METTL15: variants seen among roughly 807,000 people sequenced by gnomAD.
METTL15 encodes 12S rRNA N(4)-cytidine methyltransferase METTL15.
In METTL15, 34 loss-of-function variants were observed where a neutral mutation model predicts 38.3. That is an observed-to-expected ratio of 0.89 (90% CI 0.68 to 1.18). The LOEUF (loss-of-function observed/expected upper bound fraction) is 1.18, where lower values mean the gene tolerates loss of function less well. Among genes scored for constraint, METTL15 ranks in the 50% most tolerant of loss-of-function variants. The pLI, the probability that METTL15 is intolerant of heterozygous loss-of-function variation, is 0.00. For missense variants in METTL15, 438 were observed against 498.4 expected (o/e 0.88, Z 1.15); for synonymous variants, 162 against 170.9 (o/e 0.95, Z 0.41).
chr11:28,471,511 C>A (rs1033229722), intron 6 of METTL15, among the ~76,000 whole-genome samples: 4 of 152,094 alleles, frequency 2.6e-5, no homozygotes, highest in African/African-American at 9.7e-5. Context: ...GATTTAGACA[C>A]AGGTGGTTGA....
Position 28,366,206 on chromosome 11 carries a change from T to A in METTL15, c.*358+4170T>A, listed in dbSNP as rs527453909. Among the ~76,000 whole-genome samples, 8 of 150,934 alleles carry A rather than the reference T, an allele frequency of 5.3e-5. No individual in the cohort carries two copies. The East Asian group carries it at 1.4e-3, about 26-fold the overall frequency. On this transcript the variant is annotated intron_variant and NMD_transcript_variant, in intron 5 of 7. Coordinates refer to the METTL15 transcript ENST00000532947. ...GGGTCCTTTTGTAAAAAAAAAAAAA[T>A]TATTAAGAACAGGAGCAACTCAGTG...
intron 6 of METTL15, among the ~76,000 whole-genome samples, chr11:28,503,730 G>A (rs1036074418): frequency 2.6e-5 from 4 of 151,772 alleles, no homozygotes; most frequent in Non-Finnish European, 5.9e-5. Context: ...GGCGGAGGAT[G>A]CAGTGAGCCA....
intron 4 of METTL15, among the ~76,000 whole-genome samples, chr11:28,268,038 A>G (rs1855496267): frequency 1.3e-5 from 2 of 151,622 alleles, no homozygotes; most frequent in South Asian, 4.1e-4. Flanking sequence ...TCTACTAAAA[A>G]TACAAAAAAT....
intron 3 of METTL15, among the ~76,000 whole-genome samples, chr11:28,158,322 G>C (rs1394949535): frequency 6.6e-6 from 1 of 152,176 alleles, no homozygotes; most frequent in Non-Finnish European, 1.5e-5. Context: ...AGCCACTTCT[G>C]TCATCATGCA....
At position 28,290,334 on chromosome 11, in the gene METTL15, C is replaced by A; in HGVS notation, c.536C>A (p.Thr179Asn). 6.2e-7 allele frequency: 1 copy of A among 1,613,516 alleles called. No individual in the cohort carries two copies. The highest frequency in any genetic ancestry group is 8.5e-7 in the Non-Finnish European group (1 of 1,179,654). ...DLGCSSMQLD[T>N]PERGFSLRKD... The stretch of plus-strand genomic sequence containing the variant: ...GGGTGTTCCTCCATGCAACTTGATA[C>A]TCCTGAAAGAGGTTTTTCCCTTCGG... The change falls in exon 5 of 7, where the codon ACT (threonine) becomes AAT (asparagine). Residue 179 changes from threonine (T) to asparagine (N), a missense_variant. Transcript: ENST00000407364.
chr11:28,201,746 C>T lies in METTL15; in HGVS notation c.271-9316C>T, dbSNP rs372279202. ...TATATGAGATCAGAGACCATATCTA[C>T]TTTGGCCCACTGTTGTATTTCTAGT... is the stretch of plus-strand genomic sequence containing the variant. On this transcript the variant is annotated intron_variant, in intron 3 of 6. Coordinates refer to ENST00000407364, the MANE Select transcript of METTL15 (RefSeq NM_001113528.2). Among the ~76,000 whole-genome samples, 41 of 152,122 alleles carry T rather than the reference C, an allele frequency of 2.7e-4. No individual in the cohort carries two copies. In the East Asian group the frequency reaches 7.4e-3, roughly 27 times the overall value.
chr11:28,320,065 T>C (rs1849410120), intron 6 of METTL15, among the ~76,000 whole-genome samples: 1 of 152,200 alleles, frequency 6.6e-6, no homozygotes. Flanking sequence ...GCAAGGACTA[T>C]GTATTCAGAA....
intron 3 of METTL15, among the ~76,000 whole-genome samples, chr11:28,142,258 C>G (rs1271556172): frequency 2.6e-5 from 4 of 151,964 alleles, no homozygotes; most frequent in Non-Finnish European, 5.9e-5. Flanking sequence ...TAGAAAAGGG[C>G]CAAAGAAAAG....
intron 5 of METTL15, among the ~76,000 whole-genome samples, chr11:28,383,159 T>G (rs1850406545): frequency 6.6e-6 from 1 of 152,096 alleles, no homozygotes; most frequent in African/African-American, 2.4e-5. Context: ...ATTGTCGCCT[T>G]CTTTGTGTTC....
intron 6 of METTL15, among the ~76,000 whole-genome samples, chr11:28,300,167 T>C (rs915905006): frequency 6.6e-6 from 1 of 152,128 alleles, no homozygotes; most frequent in Non-Finnish European, 1.5e-5. Context: ...TCCTAAGCAA[T>C]ATCTTTGTTT....
chr11:28,203,353 CTT>C (rs1464821249), intron 3 of METTL15, among the ~76,000 whole-genome samples: 1 of 152,002 alleles, frequency 6.6e-6, no homozygotes, highest in Non-Finnish European at 1.5e-5. Flanking sequence ...TTCTTGGAGA[CTT>C]AATTAGCAGG....
chr11:28,341,050 CTCA>C (rs1272031692), intron 3 of METTL15, among the ~76,000 whole-genome samples: 6 of 152,142 alleles, frequency 3.9e-5, no homozygotes, highest in Non-Finnish European at 7.3e-5. Flanking sequence ...AACCATCATT[CTCA>C]GCAAACTAAC....
chr11:28,222,489 C>G (rs1853284786), intron 4 of METTL15, among the ~76,000 whole-genome samples: 1 of 152,210 alleles, frequency 6.6e-6, no homozygotes, highest in African/African-American at 2.4e-5. Context: ...TTCCCTGACC[C>G]CTTGCACTTC....
At chr11:28,520,157 T>C (rs1004407903) in intron 6 of METTL15, among the ~76,000 whole-genome samples, 1 of 152,054 alleles carries the variant, frequency 6.6e-6, no homozygotes, top group Non-Finnish European at 1.5e-5. Flanking sequence ...CTGGGCAACG[T>C]GGTGAGACCT....
At chr11:28,341,121 G>C (rs1477370422) in intron 3 of METTL15, among the ~76,000 whole-genome samples, 1 of 152,106 alleles carries the variant, frequency 6.6e-6, no homozygotes, top group Non-Finnish European at 1.5e-5. Flanking sequence ...GTTGAACAGT[G>C]AGAATACATG....
rs766049189 is a variant in METTL15, at chr11:28,296,831, C to G, written c.678C>G (p.Tyr226Ter). 1.2e-6 allele frequency: 2 copies of G among 1,613,536 alleles called. No homozygotes were observed. The highest frequency in any genetic ancestry group is 1.1e-5 in the South Asian group (1 of 91,078). ...QQALASILRT[Y>*]GEEKHAKKIA... ...CACTTGCATCTATCCTAAGAACATA[C>G]GGGGAGGAGAAGCATGCCAAGAAAA... is the stretch of plus-strand genomic sequence containing the variant. The change falls in exon 6 of 7, where the codon TAC becomes TAG. Residue 226 changes from tyrosine to a stop codon, truncating the protein, a stop_gained. Coordinates refer to ENST00000407364, the MANE Select transcript of METTL15 (RefSeq NM_001113528.2). LOFTEE classifies it high-confidence loss of function.
intron 4 of METTL15, among the ~76,000 whole-genome samples, chr11:28,233,812 T>C (rs1853800912): frequency 1.3e-5 from 2 of 151,926 alleles, no homozygotes; most frequent in South Asian, 4.2e-4. Context: ...TTTTTTTTTA[T>C]TATTATTATA....
chr11:28,194,772 C>CA (rs1321453567), intron 3 of METTL15, among the ~76,000 whole-genome samples: 1 of 151,490 alleles, frequency 6.6e-6, no homozygotes, highest in Non-Finnish European at 1.5e-5. Flanking sequence ...GGTGAAGTCT[C>CA]AGAGTTTAGT....
intron 3 of METTL15, among the ~76,000 whole-genome samples, chr11:28,342,939 T>C (rs2133355728): frequency 6.6e-6 from 1 of 152,328 alleles, no homozygotes; most frequent in Non-Finnish European, 1.5e-5. Context: ...CATACAACTT[T>C]CACTTAATCA....
Sources: gnomAD v4.1 joint callset for allele counts (sites outside exome capture counted in the v4.1 genomes callset) on GRCh38, gnomAD v4.1.1 for gene constraint, MANE v1.5 for transcripts, NCBI Gene and HGNC (gene_info 2026-07-23, HGNC 2026-07-21) for gene names.